JAK2: variants seen among roughly 807,000 people sequenced by gnomAD.
The protein encoded by JAK2 is tyrosine-protein kinase JAK2.
JAK2 carries 86 observed loss-of-function variants against 139.3 expected under a neutral mutation model. The ratio of observed to expected loss-of-function variants is 0.62; its 90% CI spans 0.52 to 0.74. The LOEUF (loss-of-function observed/expected upper bound fraction) is 0.74, where lower values mean the gene tolerates loss of function less well. Ranked by LOEUF, JAK2 falls within the 30% of genes least tolerant of loss-of-function variation. The probability of loss-of-function intolerance (pLI) is 0.00; values close to 1 mark genes in which losing one functional copy is unlikely to be tolerated. For synonymous variants in JAK2, 490 were observed against 437.7 expected, an observed-to-expected ratio of 1.12 and a Z score of -1.49; for missense variants, 1,421 against 1,360.3, an observed-to-expected ratio of 1.04 and a Z score of -0.70.
In JAK2 at chr9:5,069,150, T is replaced by C. The variant is rs780528180; in HGVS notation, c.1455T>C (p.Thr485=). The part of the protein sequence containing the change: ...KDLLNCYQME[T]VRSDNIIFQF... ...TTTTGAATTGTTACCAGATGGAAAC[T>C]GTTCGCTCAGACAATATAATTTTCC... Residue 485 remains threonine, a synonymous_variant, in exon 11 of 25, where the codon ACT becomes ACC. Coordinates refer to ENST00000381652, the MANE Select transcript of JAK2 (RefSeq NM_004972.4). 1 of 1,613,182 alleles carries C rather than the reference T, an allele frequency of 6.2e-7. No homozygotes were observed. Among genetic ancestry groups the C allele is most frequent in the Admixed American group, 1.7e-5 (1 of 59,936 alleles).
intron 22 of JAK2, chr9:5,114,673 T>A (rs1260350194): frequency 2.3e-6 from 1 of 434,590 alleles, no homozygotes; most frequent in Non-Finnish European, 4.5e-6. Flanking sequence ...GGCTCTGGCG[T>A]CTTAGTCTTC....
chr9:5,069,582 T>C (rs778546048), intron 11 of JAK2, among the ~76,000 whole-genome samples: 3 of 152,170 alleles, frequency 2.0e-5, no homozygotes, highest in Non-Finnish European at 4.4e-5. Flanking sequence ...TTCCTTGAAA[T>C]AATGAGCCTT....
At chr9:5,112,284 T>C (rs576411381) in intron 22 of JAK2, 1 of 268,010 alleles carries the variant, frequency 3.7e-6, no homozygotes, top group South Asian at 3.9e-5. Flanking sequence ...GCCAGCCTCA[T>C]GCACATCCAT....
intron 4 of JAK2, among the ~76,000 whole-genome samples, chr9:5,030,295 C>T (rs1397369474): frequency 2.6e-5 from 4 of 152,126 alleles, no homozygotes; most frequent in Admixed American, 6.5e-5. Context: ...AAAAAGTTGA[C>T]GTGAAGAAAA....
intron 22 of JAK2, chr9:5,110,766 T>A: frequency 5.1e-6 from 2 of 388,370 alleles, no homozygotes; most frequent in South Asian, 4.1e-5. Context: ...GGACTGGCCA[T>A]GCAGGAGTGG....
At chr9:5,088,827 A>C (rs1282737955) in intron 19 of JAK2, among the ~76,000 whole-genome samples, 2 of 152,168 alleles carry the variant, frequency 1.3e-5, no homozygotes, top group South Asian at 2.1e-4. Context: ...GCCTTGTCAC[A>C]TTAGAGTTCC....
intron 4 of JAK2, among the ~76,000 whole-genome samples, chr9:5,037,868 A>G (rs566789729): frequency 1.3e-5 from 2 of 152,330 alleles, no homozygotes; most frequent in East Asian, 3.9e-4. Flanking sequence ...GAAAAAAATG[A>G]AAAGGCAAAT....
chr9:5,039,303 A>G (rs1171203835), intron 4 of JAK2, among the ~76,000 whole-genome samples: 1 of 152,166 alleles, frequency 6.6e-6, no homozygotes, highest in Non-Finnish European at 1.5e-5. Flanking sequence ...AGTTGTGCTT[A>G]CACTGAACAT....
At chr9:5,047,329 A>T (rs891847784) in intron 5 of JAK2, among the ~76,000 whole-genome samples, 4 of 152,226 alleles carry the variant, frequency 2.6e-5, no homozygotes, top group African/African-American at 9.6e-5. Context: ...AGTTCTTAAG[A>T]CAGTACCTGT....
chr9:5,113,433 A>T (rs1339996712), intron 22 of JAK2: 3 of 86,520 alleles, frequency 3.5e-5, no homozygotes, highest in African/African-American at 6.4e-5. Flanking sequence ...TTAAAAAAAA[A>T]AAAAAAAAAA....
chr9:5,083,634 T>C (rs12348771), intron 19 of JAK2, among the ~76,000 whole-genome samples: 35,675 of 152,052 alleles, frequency 0.23, 4,580 homozygotes, highest in South Asian at 0.3. Flanking sequence ...AATAGATTAC[T>C]AGGCACACAA....
intron 2 of JAK2, among the ~76,000 whole-genome samples, chr9:5,020,258 G>C (rs1238364134): frequency 6.6e-6 from 1 of 152,138 alleles, no homozygotes; most frequent in Non-Finnish European, 1.5e-5. Context: ...TGGCAGGTTG[G>C]GTGGGCCACA....
chr9:5,123,192 A>G, intron 23 of JAK2, 71 bp downstream of exon 23: 1 of 1,066,314 alleles, frequency 9.4e-7, no homozygotes, highest in South Asian at 1.5e-5. Flanking sequence ...ATGGGGTACA[A>G]GTACAATTTT....
chr9:5,037,137 C>G (rs1413129863), intron 4 of JAK2, among the ~76,000 whole-genome samples: 5 of 152,122 alleles, frequency 3.3e-5, no homozygotes, highest in Admixed American at 3.3e-4. Context: ...CAGAGAAATG[C>G]AAATCAAAAC....
intron 4 of JAK2, among the ~76,000 whole-genome samples, chr9:5,034,002 C>G (rs560043399): frequency 6.6e-6 from 1 of 152,116 alleles, no homozygotes; most frequent in African/African-American, 2.4e-5. Flanking sequence ...ACCCATCTCA[C>G]GTGCAGAGAC....
intron 5 of JAK2, among the ~76,000 whole-genome samples, chr9:5,047,237 A>T (rs901876596): frequency 6.6e-6 from 1 of 152,236 alleles, no homozygotes; most frequent in African/African-American, 2.4e-5. Context: ...AGCAAATGTG[A>T]CCAGTGGCAT....
At chr9:4,996,526 T>G (rs1264312643) in intron 2 of JAK2, among the ~76,000 whole-genome samples, 2 of 152,248 alleles carry the variant, frequency 1.3e-5, no homozygotes, top group East Asian at 3.9e-4. Context: ...TTTATATGTA[T>G]AATTTATTTT....
intron 4 of JAK2, among the ~76,000 whole-genome samples, chr9:5,036,770 C>T (rs1203831577): frequency 6.6e-6 from 1 of 152,128 alleles, no homozygotes; most frequent in Non-Finnish European, 1.5e-5. Context: ...TAGAAGAAAA[C>T]CTAGGCAATA....
intron 2 of JAK2, among the ~76,000 whole-genome samples, chr9:5,015,144 T>C (rs1366719411): frequency 5.9e-5 from 9 of 152,226 alleles, no homozygotes; most frequent in Non-Finnish European, 7.3e-5. Flanking sequence ...ACAGATTCTG[T>C]AGTATAAATG....
Sources: allele counts gnomAD v4.1 joint callset (sites outside exome capture counted in the v4.1 genomes callset), GRCh38; gene constraint gnomAD v4.1.1; transcripts MANE v1.5; gene names NCBI Gene and HGNC (gene_info 2026-07-23, HGNC 2026-07-21).